UNC5B: variants seen among roughly 807,000 people sequenced by gnomAD.
UNC5B encodes unc-5 netrin receptor B, also known as netrin receptor UNC5B.
Under a neutral mutation model 103.7 loss-of-function variants are expected in UNC5B, and 56 were observed. The ratio of observed to expected loss-of-function variants is 0.54; its 90% CI spans 0.44 to 0.67. The LOEUF (loss-of-function observed/expected upper bound fraction) is 0.67, where lower values mean the gene tolerates loss of function less well. Among genes scored for constraint, UNC5B ranks in the 30% least tolerant of loss-of-function variants. The pLI, the probability that UNC5B is intolerant of heterozygous loss-of-function variation, is 0.00. For synonymous variants in UNC5B, 577 were observed against 542.0 expected (o/e 1.06, Z -0.90); for missense variants, 1,194 against 1,284.5 (o/e 0.93, Z 1.08).
At chr10:71,299,069 G>A (rs140526076) in intron 16 of UNC5B, 43 bp from the exon 17 acceptor site, 2 of 1,610,642 alleles carry the variant, frequency 1.2e-6, no homozygotes, top group Non-Finnish European at 1.7e-6. Context: ...CCGGGGAGGG[G>A]CTAAGTGCTT....
At chr10:71,245,587 G>C (rs1353381577) in intron 1 of UNC5B, among the ~76,000 whole-genome samples, 1 of 152,180 alleles carries the variant, frequency 6.6e-6, no homozygotes, top group Non-Finnish European at 1.5e-5. Flanking sequence ...GATTCATCCA[G>C]AGAATATGCC....
chr10:71,298,935 T>C (rs1018504036), intron 16 of UNC5B, among the ~76,000 whole-genome samples, 177 bp from the exon 17 acceptor site: 3 of 152,200 alleles, frequency 2.0e-5, no homozygotes, highest in Admixed American at 2.0e-4. Context: ...TTCTGAGCCA[T>C]AGGTTCTGAA....
rs367793806 is a variant in UNC5B at position 71,291,145 on chromosome 10, G to A, written c.1294+36G>A. 28 of 1,593,226 alleles carry A rather than the reference G, an allele frequency of 1.8e-5. No individual in the cohort carries two copies. The African/African-American group carries it at 3.6e-4, about 21-fold the overall frequency. On this transcript the variant is annotated intron_variant, in intron 9 of 16. Coordinates refer to ENST00000335350, the MANE Select transcript of UNC5B (RefSeq NM_170744.5). ...GAGGATGTCTGGGGTGGTTGGCAGA[G>A]GCAGGATACCCAGAGGGCTCTGGTG...
At chr10:71,236,354 C>T (rs1174281297) in intron 1 of UNC5B, among the ~76,000 whole-genome samples, 3 of 152,162 alleles carry the variant, frequency 2.0e-5, no homozygotes, top group Admixed American at 1.3e-4. Context: ...TTGCCATGCC[C>T]GCCCTGCCTC....
At chr10:71,294,013 A>T in intron 13 of UNC5B, 80 bp downstream of exon 13, 1 of 1,333,528 alleles carries the variant, frequency 7.5e-7, no homozygotes, top group Non-Finnish European at 1.0e-6. Context: ...CCCCAGGCTC[A>T]TGGGTCCTCC....
chr10:71,286,652 C>T (rs1453582031), intron 4 of UNC5B, 37 bp from the exon 5 acceptor site: 3 of 1,611,370 alleles, frequency 1.9e-6, no homozygotes, highest in Admixed American at 1.7e-5. Flanking sequence ...CAAACCTGTC[C>T]TGGGCCCTCA....
At chr10:71,233,374 A>C (rs1219107182) in intron 1 of UNC5B, among the ~76,000 whole-genome samples, 2 of 152,184 alleles carry the variant, frequency 1.3e-5, no homozygotes, top group African/African-American at 4.8e-5. Context: ...TGAGCCAACC[A>C]ATGCTGAGCC....
chr10:71,246,817 G>A (rs1304111827), intron 1 of UNC5B, among the ~76,000 whole-genome samples: 1 of 152,190 alleles, frequency 6.6e-6, no homozygotes, highest in Admixed American at 6.5e-5. Flanking sequence ...GGCCAGAGAG[G>A]GGAGCAGAGG....
At chr10:71,264,900 G>A (rs1055860049) in intron 1 of UNC5B, among the ~76,000 whole-genome samples, 3 of 150,008 alleles carry the variant, frequency 2.0e-5, no homozygotes, top group South Asian at 2.1e-4. Context: ...TTGGGAAGCC[G>A]AAATAGGAGG....
intron 1 of UNC5B, among the ~76,000 whole-genome samples, chr10:71,233,521 C>G (rs535403036): frequency 1.6e-4 from 24 of 152,336 alleles, no homozygotes; most frequent in African/African-American, 5.3e-4. Context: ...CTTGTCTCCC[C>G]CTTCCCTCTG....
chr10:71,258,529 C>G (rs536977896), intron 1 of UNC5B, among the ~76,000 whole-genome samples: 119 of 152,326 alleles, frequency 7.8e-4, no homozygotes, highest in Middle Eastern at 3.4e-3. Context: ...GTGTGGCCAG[C>G]TCTCTATGCT....
intron 1 of UNC5B, among the ~76,000 whole-genome samples, chr10:71,269,961 G>A (rs941231843): frequency 4.6e-5 from 7 of 152,080 alleles, no homozygotes; most frequent in African/African-American, 1.2e-4. Flanking sequence ...TGGGGGAGGC[G>A]CTCCAAAACA....
intron 1 of UNC5B, among the ~76,000 whole-genome samples, chr10:71,219,280 A>AAT (rs1356087721): frequency 6.6e-6 from 1 of 151,950 alleles, no homozygotes; most frequent in African/African-American, 2.4e-5. Flanking sequence ...GGAAAGAACT[A>AAT]ATATATATAT....
intron 1 of UNC5B, among the ~76,000 whole-genome samples, chr10:71,246,889 C>T (rs926520715): frequency 4.6e-5 from 7 of 152,170 alleles, no homozygotes; most frequent in Admixed American, 2.0e-4. Context: ...TCCGGGTTCA[C>T]GGTGCTCCCT....
intron 2 of UNC5B, among the ~76,000 whole-genome samples, chr10:71,281,005 C>T (rs1844911822): frequency 6.6e-6 from 1 of 151,936 alleles, no homozygotes; most frequent in Non-Finnish European, 1.5e-5. Flanking sequence ...CTGCTCATTT[C>T]TCTCTCTCTC....
chr10:71,275,108 G>GTC (rs1371892875), intron 1 of UNC5B, among the ~76,000 whole-genome samples: 1 of 152,220 alleles, frequency 6.6e-6, no homozygotes, highest in East Asian at 1.9e-4. Flanking sequence ...GATCTTTCGT[G>GTC]TCCTTCATTT....
intron 1 of UNC5B, among the ~76,000 whole-genome samples, chr10:71,243,145 G>A (rs1180751879): frequency 6.6e-6 from 1 of 152,160 alleles, no homozygotes; most frequent in African/African-American, 2.4e-5. Context: ...TGAGGCAGGA[G>A]AATTGCTTGA....
chr10:71,215,516 A>G (rs1843311513), intron 1 of UNC5B, among the ~76,000 whole-genome samples: 1 of 151,956 alleles, frequency 6.6e-6, no homozygotes, highest in Admixed American at 6.6e-5. Context: ...TACAGCACTG[A>G]GAATATTTTT....
intron 15 of UNC5B, among the ~76,000 whole-genome samples, chr10:71,297,045 G>T (rs903027509): frequency 7.0e-6 from 1 of 143,694 alleles, no homozygotes; most frequent in Admixed American, 6.8e-5. Context: ...GCATAGGTGA[G>T]GGAAGGGCCG....
Sources: gnomAD v4.1 joint callset for allele counts (sites outside exome capture counted in the v4.1 genomes callset) on GRCh38, gnomAD v4.1.1 for gene constraint, MANE v1.5 for transcripts, NCBI Gene and HGNC (gene_info 2026-07-23, HGNC 2026-07-21) for gene names.